Variants in EPHA4 observed in about 807,000 individuals in gnomAD.
The protein encoded by EPHA4 is EPH receptor A4, also known as ephrin type-A receptor 4.
A neutral mutation model predicts 108.3 loss-of-function variants in EPHA4; 19 were observed. The ratio of observed to expected loss-of-function variants is 0.18; its 90% confidence interval spans 0.12 to 0.26. The LOEUF is 0.26. EPHA4 is among the 10% of genes least tolerant of loss of function. The pLI is 1.00. For missense variants in EPHA4, 917 were observed against 1,254.0 expected (o/e 0.73, Z 4.06); for synonymous variants, 449 against 455.5 (o/e 0.99, Z 0.18).
At chr2:221,563,589 T>C in intron 3 of EPHA4, 142 bp downstream of exon 3, 1 of 892,376 alleles carries the variant, frequency 1.1e-6, no homozygotes, top group East Asian at 2.5e-5. Flanking sequence ...CCTGGAGCTA[T>C]AGCACTTACT....
At chr2:221,429,862 C>T (rs1690019053) in intron 15 of EPHA4, 96 bp downstream of exon 15, 3 of 1,369,006 alleles carry the variant, frequency 2.2e-6, no homozygotes, top group African/African-American at 2.9e-5. Flanking sequence ...CATGAAGTGG[C>T]CTCTGATGAA....
At chr2:221,456,531 T>C in intron 7 of EPHA4, 82 bp downstream of exon 7, 1 of 1,434,434 alleles carries the variant, frequency 7.0e-7, no homozygotes, top group Non-Finnish European at 9.5e-7. Context: ...TACAGACAAC[T>C]CCTTAGATTT....
At chr2:221,493,961 A>G (rs1231930690) in intron 4 of EPHA4, among the ~76,000 whole-genome samples, 3 of 152,236 alleles carry the variant, frequency 2.0e-5, no homozygotes, top group Non-Finnish European at 2.9e-5. Context: ...CTAAGTATCA[A>G]TCAATCACTC....
chr2:221,503,126 C>T (rs1209812795), intron 3 of EPHA4, among the ~76,000 whole-genome samples: 4 of 152,294 alleles, frequency 2.6e-5, no homozygotes, highest in Admixed American at 1.3e-4. Flanking sequence ...CACTGGGTCC[C>T]GCCTGTCACT....
chr2:221,548,697 C>T (rs1412234537), intron 3 of EPHA4, among the ~76,000 whole-genome samples: 1 of 152,120 alleles, frequency 6.6e-6, no homozygotes, highest in Non-Finnish European at 1.5e-5. Flanking sequence ...AGAGAGATGG[C>T]TAGCTGGGAT....
chr2:221,557,941 A>G (rs191088921), intron 3 of EPHA4, among the ~76,000 whole-genome samples: 2 of 152,362 alleles, frequency 1.3e-5, no homozygotes, highest in African/African-American at 4.8e-5. Context: ...TTTTAACAAA[A>G]ATATACATGT....
chr2:221,507,568 T>C (rs1692669292), intron 3 of EPHA4, among the ~76,000 whole-genome samples: 1 of 152,220 alleles, frequency 6.6e-6, no homozygotes, highest in Non-Finnish European at 1.5e-5. Context: ...GATTTTTTTT[T>C]TTAATTTCTG....
chr2:221,456,807 C>A, intron 6 of EPHA4, 35 bp from the exon 7 acceptor site: 1 of 1,608,664 alleles, frequency 6.2e-7, no homozygotes, highest in Non-Finnish European at 8.5e-7. Context: ...GGGAAGGTGG[C>A]AAAATAAATC....
intron 3 of EPHA4, among the ~76,000 whole-genome samples, chr2:221,560,899 A>G (rs1694441631): frequency 6.6e-6 from 1 of 152,156 alleles, no homozygotes; most frequent in Non-Finnish European, 1.5e-5. Context: ...GGATAGGGCC[A>G]ACTGTTTTTA....
intron 3 of EPHA4, among the ~76,000 whole-genome samples, chr2:221,560,292 C>T (rs891092051): frequency 6.6e-6 from 1 of 152,126 alleles, no homozygotes; most frequent in Non-Finnish European, 1.5e-5. Flanking sequence ...GAAACTGCTG[C>T]CAGAGTTCTG....
At chr2:221,486,813 T>C (rs1263280647) in intron 4 of EPHA4, among the ~76,000 whole-genome samples, 5 of 151,076 alleles carry the variant, frequency 3.3e-5, no homozygotes, top group Non-Finnish European at 7.4e-5. Flanking sequence ...CTACCATGGT[T>C]CCTCGTTCAG....
rs112694048 is a variant in EPHA4 at position 221,491,910 on chromosome 2, G to A, written c.979+9107C>T. On this transcript the variant is annotated intron_variant, in intron 4 of 17. Coordinates refer to ENST00000281821, the MANE Select transcript of EPHA4 (RefSeq NM_004438.5). Reference sequence around the variant, plus strand: ...TCGTTTCTGTAATCCTAGCACCCTGGGAGGCTGAGGTGGGAGAACTGCTTG... The same window carrying A: ...TCGTTTCTGTAATCCTAGCACCCTGAGAGGCTGAGGTGGGAGAACTGCTTG... Among the ~76,000 whole-genome samples, 284 of 152,114 alleles carry A rather than the reference G, an allele frequency of 1.9e-3. 1 individual carries two copies. The highest frequency in any genetic ancestry group is 6.5e-3 in the African/African-American group (269 of 41,510).
intron 3 of EPHA4, among the ~76,000 whole-genome samples, chr2:221,559,856 T>C (rs1377310302): frequency 6.6e-6 from 1 of 152,212 alleles, no homozygotes. Flanking sequence ...GATGGGTAAG[T>C]AGCTCATACA....
At chr2:221,532,720 G>A (rs1693555941) in intron 3 of EPHA4, 1 of 152,294 alleles carries the variant, frequency 6.6e-6, no homozygotes, top group African/African-American at 2.4e-5. Flanking sequence ...CTTGTCTGTA[G>A]CTGGTGCCTT....
chr2:221,444,744 CTTTTTTTTTTT>C (rs71266317), intron 9 of EPHA4, among the ~76,000 whole-genome samples: 16 of 74,986 alleles, frequency 2.1e-4, no homozygotes, highest in East Asian at 1.9e-3. Context: ...TTTTTTCTAT[CTTTTTTTTTTT>C]TTTTTTTTTT....
chr2:221,438,821 C>T (rs1690327106), intron 11 of EPHA4, among the ~76,000 whole-genome samples: 1 of 151,982 alleles, frequency 6.6e-6, no homozygotes, highest in Non-Finnish European at 1.5e-5. Flanking sequence ...CTTTTTATTG[C>T]TGCATTGGCT....
At chr2:221,556,474 T>TC (rs1694304877) in intron 3 of EPHA4, among the ~76,000 whole-genome samples, 1 of 149,148 alleles carries the variant, frequency 6.7e-6, no homozygotes, top group Admixed American at 6.7e-5. Context: ...TTTTTGTATT[T>TC]TTTTTTTTTT....
At chr2:221,532,482 A>C (rs776507040) in intron 3 of EPHA4, among the ~76,000 whole-genome samples, 3 of 152,226 alleles carry the variant, frequency 2.0e-5, no homozygotes, top group Non-Finnish European at 4.4e-5. Context: ...GAGATTTAAC[A>C]TTCTAGTTCT....
intron 5 of EPHA4, among the ~76,000 whole-genome samples, chr2:221,481,225 G>A (rs1046163863): frequency 1.2e-4 from 19 of 152,124 alleles, no homozygotes; most frequent in Non-Finnish European, 2.4e-4. Context: ...ACAGTTCTGC[G>A]ATTAACTCAG....
Sources: allele counts gnomAD v4.1 joint callset (sites outside exome capture counted in the v4.1 genomes callset), GRCh38; gene constraint gnomAD v4.1.1; transcripts MANE v1.5; gene names NCBI Gene and HGNC (gene_info 2026-07-23, HGNC 2026-07-21).